RSPH3: variants seen among roughly 807,000 people sequenced by gnomAD.
RSPH3 encodes radial spoke head 3, also known as radial spoke head protein 3 homolog.
A neutral mutation model predicts 43.8 loss-of-function variants in RSPH3; 21 were observed. That is an observed-to-expected ratio of 0.48 (90% CI 0.34 to 0.69). The LOEUF is 0.69. Among genes scored for constraint, RSPH3 ranks in the 30% least tolerant of loss-of-function variants. The pLI is 0.01. For synonymous variants in RSPH3, 173 were observed against 179.8 expected (o/e 0.96, Z 0.30); for missense variants, 487 against 516.0 (o/e 0.94, Z 0.54).
chr6:158,990,751 C>T (rs542547714), intron 2 of RSPH3, among the ~76,000 whole-genome samples: 1 of 151,804 alleles, frequency 6.6e-6, no homozygotes, highest in African/African-American at 2.4e-5. Flanking sequence ...GATCTGTAGG[C>T]CTTTTGCCAA....
At chr6:158,996,808 G>A (rs78552657) in intron 1 of RSPH3, among the ~76,000 whole-genome samples, 17,381 of 152,154 alleles carry the variant, frequency 0.11, 1,726 homozygotes, top group East Asian at 0.41. Context: ...TACTGCTGTG[G>A]TCTGGATATG....
At chr6:158,977,907 G>T in intron 7 of RSPH3, 59 bp from the exon 8 acceptor site, 1 of 1,378,396 alleles carries the variant, frequency 7.3e-7, no homozygotes, top group Non-Finnish European at 1.0e-6. Flanking sequence ...TATTTCAGGA[G>T]TTATAATGCT....
intron 4 of RSPH3, 101 bp from the exon 5 acceptor site, chr6:158,982,789 G>T (rs1004228409): frequency 1.7e-5 from 13 of 758,544 alleles, no homozygotes; most frequent in Non-Finnish European, 2.6e-5. Context: ...TTTATTAAGT[G>T]TCTCCTGTGT....
At position 159,000,159 on chromosome 6, in the gene RSPH3, T is replaced by G. The variant is rs1032137415; in HGVS notation, c.-609A>C. On this transcript the variant is annotated 5_prime_UTR_variant, in exon 1 of 8. Coordinates refer to ENST00000367069, the MANE Select transcript of RSPH3 (RefSeq NM_031924.8). ...GGCTGCCCCCGCGATAACACGCCCC[T>G]GGCAGCCAGGCTCCCAGCTCTGTTA... The G allele has an allele frequency of 3.3e-6, 2 of 613,914 alleles. No homozygotes were observed. The highest frequency in any genetic ancestry group is 3.6e-5 in the Admixed American group (1 of 28,138). The allele number at this position is 613,914 out of a possible 1,614,324, so 38.0% of individuals were successfully genotyped here. A position where few individuals can be genotyped will look rare whatever the true frequency, so the allele number is the denominator to read the frequency against.
intron 2 of RSPH3, among the ~76,000 whole-genome samples, chr6:158,992,569 C>T (rs1179072980): frequency 2.7e-5 from 4 of 150,844 alleles, no homozygotes; most frequent in Admixed American, 6.6e-5. Flanking sequence ...GCTAGGATTA[C>T]AGGCGTGAGC....
chr6:158,986,434 G>A lies in RSPH3; in HGVS notation c.205-13C>T, dbSNP rs200799554. On this transcript the variant is annotated splice_polypyrimidine_tract_variant and intron_variant, in intron 2 of 7. Coordinates refer to ENST00000367069, the MANE Select transcript of RSPH3 (RefSeq NM_031924.8). ...CAGGCCGTCCGAGCTAACAGTGATAGAAAATACTTCTAGAATTTAGAAAAT... is the reference window on the plus strand; with the variant it reads ...CAGGCCGTCCGAGCTAACAGTGATAAAAAATACTTCTAGAATTTAGAAAAT... 8.3e-5 allele frequency: 132 copies of A among 1,595,800 alleles called. No individual in the cohort carries two copies. The East Asian group carries it at 1.9e-3, about 23-fold the overall frequency.
At chr6:158,988,694 G>T (rs1778308985) in intron 2 of RSPH3, among the ~76,000 whole-genome samples, 1 of 151,874 alleles carries the variant, frequency 6.6e-6, no homozygotes, top group East Asian at 1.9e-4. Context: ...AAATTTTTCA[G>T]TTCAACAAAT....
chr6:158,983,729 G>T lies in RSPH3; in HGVS notation c.425C>A (p.Pro142Gln). ...ECQTDAFLDR[P>Q]PTPLFIPAKT... The stretch of plus-strand genomic sequence containing the variant: ...GGCAGGAATAAAGAGTGGTGTTGGT[G>T]GTCTGTCCAAAAATGCATCTGTTTG... The change falls in exon 4 of 8, where the codon CCA (proline) becomes CAA (glutamine). Residue 142 changes from proline (P) to glutamine (Q), a missense_variant. By Grantham distance (76) the Pro-to-Gln change is moderately conservative. Coordinates refer to ENST00000367069, the MANE Select transcript of RSPH3 (RefSeq NM_031924.8). The T allele has an allele frequency of 6.2e-7, 1 of 1,611,810 alleles. No homozygotes were observed. Among genetic ancestry groups the T allele is most frequent in the Non-Finnish European group, 8.5e-7 (1 of 1,177,948 alleles).
chr6:158,977,493 G>T lies in RSPH3; in HGVS notation c.*45C>A. 6.6e-7 allele frequency: 1 copy of T among 1,519,824 alleles called. No individual in the cohort carries two copies. Among genetic ancestry groups the T allele is most frequent in the Non-Finnish European group, 8.9e-7 (1 of 1,129,302 alleles). 94.1% of individuals were successfully genotyped at this position (1,519,824 alleles called of 1,614,324 possible). A position where few individuals can be genotyped will look rare whatever the true frequency, so the allele number is the denominator to read the frequency against. ...CTCGCACATCATTACCTGATTGCTT[G>T]CTGACTTGGCTGTTGATTGGTTTCA... On this transcript the variant is annotated 3_prime_UTR_variant, in exon 8 of 8. Transcript: ENST00000367069.
chr6:158,985,816 C>G (rs12209929), intron 3 of RSPH3, among the ~76,000 whole-genome samples: 1 of 127,410 alleles, frequency 7.8e-6, no homozygotes, highest in African/African-American at 3.5e-5. Flanking sequence ...CTCTCTCTCT[C>G]TTTTTTTTTT....
chr6:158,993,409 C>T (rs1013185807), intron 2 of RSPH3, among the ~76,000 whole-genome samples: 1 of 150,820 alleles, frequency 6.6e-6, no homozygotes, highest in South Asian at 2.1e-4. Flanking sequence ...AGCCACCGCG[C>T]CCGGCCAACT....
At chr6:158,968,699 G>A (rs1417372885), downstream of RSPH3, among the ~76,000 whole-genome samples, 1 of 151,858 alleles carries the variant, frequency 6.6e-6, no homozygotes, top group Non-Finnish European at 1.5e-5. Context: ...TTCCTTTGTA[G>A]TAGTATTATT....
At position 158,983,632 on chromosome 6, in the gene RSPH3, A is replaced by G. The variant is rs769165254; in HGVS notation, c.492+30T>C. The G allele has an allele frequency of 3.2e-6, 5 of 1,573,278 alleles. No individual in the cohort carries two copies. In the South Asian group the frequency reaches 5.5e-5, roughly 17 times the overall value. Reference sequence around the variant, plus strand: ...TAACTTTACCTCATTTATAAAGATTATAGAGGGAAGCCCAAAGGATGTACT... The same window carrying G: ...TAACTTTACCTCATTTATAAAGATTGTAGAGGGAAGCCCAAAGGATGTACT... On this transcript the variant is annotated intron_variant, in intron 4 of 7. Coordinates refer to ENST00000367069, the MANE Select transcript of RSPH3 (RefSeq NM_031924.8).
At chr6:158,971,471 T>C (rs1777693364), downstream of RSPH3, among the ~76,000 whole-genome samples, 1 of 152,190 alleles carries the variant, frequency 6.6e-6, no homozygotes, top group Non-Finnish European at 1.5e-5. Flanking sequence ...TGTATTGTAC[T>C]TTAATATAAA....
Position 158,993,870 on chromosome 6 carries a change from C to A in RSPH3, c.173G>T (p.Gly58Val). The change falls in exon 2 of 8, where the codon GGT becomes GTT. Residue 58 changes from glycine to valine, a missense_variant. Transcript: ENST00000367069. ...CCCTGTCTGGAGTGCATAAGTGTTA[C>A]CTCGAATTACCCTTCTGTCATACAT... ...NIMYDRRVIR[G>V]NTYALQTGPL... is the part of the protein sequence containing the mutation. 6.2e-7 allele frequency: 1 copy of A among 1,611,346 alleles called. No individual in the cohort carries two copies. The highest frequency in any genetic ancestry group is 8.5e-7 in the Non-Finnish European group (1 of 1,177,686).
chr6:158,984,137 GA>G lies in RSPH3; in HGVS notation c.347-331del, dbSNP rs1257111307. On this transcript the variant is annotated intron_variant, in intron 3 of 7. Transcript: ENST00000367069. The stretch of plus-strand genomic sequence containing the variant: ...CAACACAGTGAGACTCTGTCTCAAA[GA>G]AAAAAAAATTCTGGTCTATTTCAAG... Among the ~76,000 whole-genome samples the G allele has an allele frequency of 8.0e-5, 12 of 150,760 alleles. No homozygotes were observed. In the South Asian group the frequency reaches 1.3e-3, roughly 16 times the overall value.
intron 6 of RSPH3, 133 bp from the exon 7 acceptor site, chr6:158,978,479 C>A: frequency 1.7e-6 from 1 of 578,188 alleles, no homozygotes; most frequent in Non-Finnish European, 3.0e-6. Flanking sequence ...ATAACTTTTG[C>A]CATATTCCTT....
chr6:158,999,629 G>C lies in RSPH3; in HGVS notation c.-79C>G. The C allele has an allele frequency of 6.2e-7, 1 of 1,613,906 alleles. No homozygotes were observed. The highest frequency in any genetic ancestry group is 8.5e-7 in the Non-Finnish European group (1 of 1,179,852). On this transcript the variant is annotated 5_prime_UTR_variant, in exon 1 of 8. Coordinates refer to ENST00000367069, the MANE Select transcript of RSPH3 (RefSeq NM_031924.8). ...GCGCTAAGGTGTTGTGGGACCCGGAGAGATGTAAGTAGTGCCAAGGGCAAG... is the reference window on the plus strand; with the variant it reads ...GCGCTAAGGTGTTGTGGGACCCGGACAGATGTAAGTAGTGCCAAGGGCAAG...
Position 158,982,505 on chromosome 6 carries a change from T to G in RSPH3, c.676A>C (p.Arg226=). 6.6e-7 allele frequency: 1 copy of G among 1,506,318 alleles called. No homozygotes were observed. Among genetic ancestry groups the G allele is most frequent in the Non-Finnish European group, 8.9e-7 (1 of 1,127,494 alleles). The allele number at this position is 1,506,318 out of a possible 1,614,324, so 93.3% of individuals were successfully genotyped here. The change falls in exon 5 of 8, where the codon AGG becomes CGG. Residue 226 remains arginine (R), a synonymous_variant. Transcript: ENST00000367069. The stretch of plus-strand genomic sequence containing the variant: ...TATACTTTTTCTTCTCGGTGTCGCC[T>G]CTCTTGCTCTTCAAGTCGTTGAACT... The part of the protein sequence containing the change: ...AEVQRLEEQE[R]RHREEKERRK...
Sources: allele counts gnomAD v4.1 joint callset (sites outside exome capture counted in the v4.1 genomes callset), GRCh38; gene constraint gnomAD v4.1.1; transcripts MANE v1.5; gene names NCBI Gene and HGNC (gene_info 2026-07-23, HGNC 2026-07-21).